The following ADGRL3 variants were observed in gnomAD, a reference collection of about 807,000 sequenced individuals.
The protein encoded by ADGRL3 is adhesion G protein-coupled receptor L3, also known as calcium-independent alpha-latrotoxin receptor 3.
Under a neutral mutation model 153.5 loss-of-function variants are expected in ADGRL3, and 62 were observed. The observed-to-expected ratio is 0.40, with a 90% CI of 0.33 to 0.50. The LOEUF (loss-of-function observed/expected upper bound fraction) is 0.50. Among genes scored for constraint, ADGRL3 ranks in the 20% least tolerant of loss-of-function variants. ADGRL3 has a pLI of 0.47. For synonymous variants in ADGRL3, 710 were observed against 672.5 expected (o/e 1.06, Z -0.86); for missense variants, 1,641 against 1,859.4 (o/e 0.88, Z 2.16).
chr4:61,740,723 T>TA (rs1291686114), intron 8 of ADGRL3, among the ~76,000 whole-genome samples: 2 of 152,216 alleles, frequency 1.3e-5, no homozygotes, highest in African/African-American at 4.8e-5. Context: ...TCTAAAAATC[T>TA]ACTGGTTGAG....
chr4:61,333,005 C>T (rs187033857), intron 1 of ADGRL3, among the ~76,000 whole-genome samples: 1 of 152,036 alleles, frequency 6.6e-6, no homozygotes, highest in Non-Finnish European at 1.5e-5. Context: ...TTTATTTCCT[C>T]TGTTTCAGGG....
At chr4:61,702,835 C>T (rs1421527164) in intron 6 of ADGRL3, among the ~76,000 whole-genome samples, 6 of 152,036 alleles carry the variant, frequency 3.9e-5, no homozygotes, top group Non-Finnish European at 8.8e-5. Context: ...AACTATATCA[C>T]GATTAACTTT....
At chr4:61,541,000 C>T (rs2098687348) in intron 4 of ADGRL3, among the ~76,000 whole-genome samples, 1 of 152,064 alleles carries the variant, frequency 6.6e-6, no homozygotes, top group African/African-American at 2.4e-5. Context: ...TTATGATCAG[C>T]TGAGCTGAGG....
chr4:61,600,655 T>C (rs2099007719), intron 5 of ADGRL3, among the ~76,000 whole-genome samples: 1 of 152,194 alleles, frequency 6.6e-6, no homozygotes, highest in Non-Finnish European at 1.5e-5. Context: ...AAGAAGTTAT[T>C]ATCGTGACTA....
chr4:61,361,496 T>A (rs982418295), intron 1 of ADGRL3, among the ~76,000 whole-genome samples: 1 of 152,184 alleles, frequency 6.6e-6, no homozygotes, highest in Admixed American at 6.5e-5. Flanking sequence ...TGGGGTTAGA[T>A]AGGCTTGATT....
intron 6 of ADGRL3, among the ~76,000 whole-genome samples, chr4:61,725,527 A>G (rs537309305): frequency 2.0e-5 from 3 of 151,466 alleles, no homozygotes; most frequent in South Asian, 4.2e-4. Flanking sequence ...CCCGGGAGGC[A>G]GAGCTTGCAG....
intron 1 of ADGRL3, among the ~76,000 whole-genome samples, chr4:61,291,206 A>ACG (rs367969897): frequency 0.024 from 3,142 of 131,302 alleles, 118 homozygotes; most frequent in African/African-American, 0.076. Context: ...ACACACACAC[A>ACG]CACACACACA....
At chr4:61,212,770 A>G (rs1489789626) in intron 1 of ADGRL3, among the ~76,000 whole-genome samples, 1 of 152,246 alleles carries the variant, frequency 6.6e-6, no homozygotes, top group Non-Finnish European at 1.5e-5. Context: ...CAGAAATCTT[A>G]TGTACAATGA....
chr4:61,649,275 G>T (rs2094158635), intron 5 of ADGRL3, among the ~76,000 whole-genome samples: 1 of 152,004 alleles, frequency 6.6e-6, no homozygotes, highest in Non-Finnish European at 1.5e-5. Flanking sequence ...ATGATAACCA[G>T]ATATGTATGC....
At chr4:61,983,106 A>G (rs1241191248) in intron 18 of ADGRL3, among the ~76,000 whole-genome samples, 2 of 152,144 alleles carry the variant, frequency 1.3e-5, no homozygotes, top group African/African-American at 2.4e-5. Flanking sequence ...ATAATTATTC[A>G]TAGGCTCTTA....
intron 19 of ADGRL3, 84 bp from the exon 20 acceptor site, chr4:61,996,207 A>T (rs918546824): frequency 9.8e-6 from 8 of 815,680 alleles, no homozygotes; most frequent in South Asian, 4.6e-5. Context: ...TGCAGCTCAC[A>T]TTCTTCTCTG....
chr4:61,799,068 G>GATAGAT (rs1232891524), intron 8 of ADGRL3, among the ~76,000 whole-genome samples: 69 of 135,614 alleles, frequency 5.1e-4, no homozygotes, highest in Non-Finnish European at 6.3e-4. Context: ...TACAGTGGTA[G>GATAGAT]ATAGATAGGT....
chr4:61,392,838 T>C (rs960818586), intron 2 of ADGRL3, among the ~76,000 whole-genome samples: 6 of 150,534 alleles, frequency 4.0e-5, no homozygotes, highest in Non-Finnish European at 8.9e-5. Context: ...ACGATGGAAA[T>C]ACTAACAACA....
intron 13 of ADGRL3, among the ~76,000 whole-genome samples, chr4:61,926,859 A>G (rs2098796402): frequency 6.6e-6 from 1 of 151,888 alleles, no homozygotes; most frequent in African/African-American, 2.4e-5. Flanking sequence ...TTGCCACTGA[A>G]CCCCTTATAC....
rs909232666 is a variant in ADGRL3, at chr4:61,754,984, G to A, written c.1399+21430G>A. On this transcript the variant is annotated intron_variant, in intron 8 of 26. Coordinates refer to ENST00000683033, the MANE Select transcript of ADGRL3 (RefSeq NM_001387552.1). ...TTATGGCTGCATAGTATTCCATGGT[G>A]TATATGTGCCACATTTTCTTAATCC... Among the ~76,000 whole-genome samples the A allele has an allele frequency of 2.6e-5, 4 of 152,292 alleles. No homozygotes were observed. The South Asian group carries it at 8.3e-4, about 32-fold the overall frequency.
chr4:61,310,748 A>T (rs200163899), intron 1 of ADGRL3, among the ~76,000 whole-genome samples: 66 of 125,386 alleles, frequency 5.3e-4, no homozygotes, highest in African/African-American at 7.3e-4. Flanking sequence ...TTTTTTTTTT[A>T]AATTCCTTTG....
chr4:61,338,798 A>G (rs1474559201), intron 1 of ADGRL3, among the ~76,000 whole-genome samples: 1 of 152,238 alleles, frequency 6.6e-6, no homozygotes, highest in East Asian at 1.9e-4. Flanking sequence ...ATATTAAGTG[A>G]AAGTCAGCAT....
intron 4 of ADGRL3, among the ~76,000 whole-genome samples, chr4:61,563,340 GTCAT>G (rs2149009058): frequency 6.6e-6 from 1 of 152,240 alleles, no homozygotes; most frequent in East Asian, 1.9e-4. Context: ...CAGATGTGCT[GTCAT>G]TCAGGCACTG....
intron 2 of ADGRL3, chr4:61,427,869 C>T (rs1252497980): frequency 6.5e-6 from 1 of 152,796 alleles, no homozygotes; most frequent in Non-Finnish European, 1.5e-5. Context: ...GTCAAAAACG[C>T]CCATCCAACT....
Sources: allele counts gnomAD v4.1 joint callset (sites outside exome capture counted in the v4.1 genomes callset), GRCh38; gene constraint gnomAD v4.1.1; transcripts MANE v1.5; gene names NCBI Gene and HGNC (gene_info 2026-07-23, HGNC 2026-07-21).